RASAL1: variants seen among roughly 807,000 people sequenced by gnomAD.
RASAL1 encodes the protein rasGAP-activating-like protein 1.
A neutral mutation model predicts 96.6 loss-of-function variants in RASAL1; 72 were observed. That is an observed-to-expected ratio of 0.75 (90% CI 0.62 to 0.91). The LOEUF (loss-of-function observed/expected upper bound fraction) is 0.91, where lower values mean the gene tolerates loss of function less well. RASAL1 is among the 40% of genes least tolerant of loss of function. The probability of loss-of-function intolerance (pLI) is 0.00; values close to 1 mark genes in which losing one functional copy is unlikely to be tolerated. For synonymous variants in RASAL1, 405 were observed against 430.4 expected (o/e 0.94, Z 0.73); for missense variants, 1,016 against 1,072.5 (o/e 0.95, Z 0.74).
chr12:113,127,600 T>C (rs898848020), intron 4 of RASAL1, among the ~76,000 whole-genome samples: 1 of 152,154 alleles, frequency 6.6e-6, no homozygotes, highest in African/African-American at 2.4e-5. Flanking sequence ...CAGTGAGCTA[T>C]GATAGCACCA....
chr12:113,108,047 C>A lies in RASAL1; in HGVS notation c.1512+38G>T. ...GCTCCTACCATGCTTTTTTCCCTGG[C>A]TAAAGTACCTAGGATGGGGGAAACC... On this transcript the variant is annotated intron_variant, in intron 14 of 20. Transcript: ENST00000548055. The A allele has an allele frequency of 1.3e-6, 2 of 1,575,552 alleles. 1 individual carries two copies. The highest frequency in any genetic ancestry group is 1.7e-6 in the Non-Finnish European group (2 of 1,162,902).
chr12:113,115,007 CAG>C lies in RASAL1; in HGVS notation c.1069-97_1069-96del. 2 of 1,161,418 alleles carry C rather than the reference CAG, an allele frequency of 1.7e-6. No homozygotes were observed. Among genetic ancestry groups the C allele is most frequent in the Non-Finnish European group, 1.3e-6 (1 of 776,632 alleles). The allele number at this position is 1,161,418 out of a possible 1,614,324, so 71.9% of individuals were successfully genotyped here. A position where few individuals can be genotyped will look rare whatever the true frequency, so the allele number is the denominator to read the frequency against. On this transcript the variant is annotated intron_variant, in intron 11 of 20. Coordinates refer to ENST00000548055, the MANE Select transcript of RASAL1 (RefSeq NM_001301202.2). This position sits in a 1 kb window ranked among gnomAD's most constrained non-coding sequence, Gnocchi z 4.1. Reference sequence around the variant, plus strand: ...AGGGGGGACCATGCAGGAAGAGGTTCAGAGAGAGGCCAGGGCTGGGGTAGGGG... The same window carrying C: ...AGGGGGGACCATGCAGGAAGAGGTTCAGAGAGGCCAGGGCTGGGGTAGGGG...
rs1210308928 is a variant in RASAL1, at chr12:113,099,771, G to A, written c.*158C>T. 1 of 1,093,696 alleles carries A rather than the reference G, an allele frequency of 9.1e-7. No homozygotes were observed. Among genetic ancestry groups the A allele is most frequent in the African/African-American group, 1.6e-5 (1 of 63,602 alleles). The allele number at this position is 1,093,696 out of a possible 1,614,324, so 67.7% of individuals were successfully genotyped here. A position where few individuals can be genotyped will look rare whatever the true frequency, so the allele number is the denominator to read the frequency against. On this transcript the variant is annotated 3_prime_UTR_variant, in exon 21 of 21. Coordinates refer to ENST00000548055, the MANE Select transcript of RASAL1 (RefSeq NM_001301202.2). ...CTGCCAAAGGGCTTCCATGCCCTGA[G>A]TTCTGGACTCAAGGCACACAGGACT...
chr12:113,114,652 G>A lies in RASAL1; in HGVS notation c.1181+148C>T, dbSNP rs114757798. The A allele has an allele frequency of 5.5e-3, 3,825 of 693,152 alleles. 89 individuals are homozygous for A. The African/African-American group carries it at 0.058, about 11-fold the overall frequency. 42.9% of individuals were successfully genotyped at this position (693,152 alleles called of 1,614,324 possible). A position where few individuals can be genotyped will look rare whatever the true frequency, so the allele number is the denominator to read the frequency against. On this transcript the variant is annotated intron_variant, in intron 12 of 20. Coordinates refer to ENST00000548055, the MANE Select transcript of RASAL1 (RefSeq NM_001301202.2). ...ACACAGCCTGATGGTTTAAGGGCTT[G>A]TGTGTGAGGCTTTCAGCTCAGCCAC...
chr12:113,117,872 G>A (rs988692524), intron 7 of RASAL1, among the ~76,000 whole-genome samples: 2 of 149,590 alleles, frequency 1.3e-5, no homozygotes, highest in Non-Finnish European at 3.0e-5. Flanking sequence ...GTGCCAGTAC[G>A]GTAAGTCCTG....
Position 113,114,802 on chromosome 12 carries a change from G to C in RASAL1, c.1179C>G (p.Thr393=). 1 of 1,613,174 alleles carries C rather than the reference G, an allele frequency of 6.2e-7. No homozygotes were observed. Among genetic ancestry groups the C allele is most frequent in the Non-Finnish European group, 8.5e-7 (1 of 1,179,182 alleles). Reference sequence around the variant, plus strand: ...CAGGGTCCTCAGGCTTTGCTCACCGGGTGCGGCCCAGGTCCATCTTGCAGG... The same window carrying C: ...CAGGGTCCTCAGGCTTTGCTCACCGCGTGCGGCCCAGGTCCATCTTGCAGG... ...LDPCKMDLGR[T]RRISFKGALS... The change falls in exon 12 of 21, where the codon ACC becomes ACG. Residue 393 remains threonine (T), a splice_region_variant and synonymous_variant. Transcript: ENST00000548055.
At position 113,130,975 on chromosome 12, in the gene RASAL1, T is replaced by C; in HGVS notation, c.66-34A>G. ...GGAGGGAGTTCAGGGAGGAAGCAGGTTGAGAGGGCAGCCATGAGTGGAGGG... is the reference window on the plus strand; with the variant it reads ...GGAGGGAGTTCAGGGAGGAAGCAGGCTGAGAGGGCAGCCATGAGTGGAGGG... On this transcript the variant is annotated intron_variant, in intron 1 of 20. Coordinates refer to ENST00000548055, the MANE Select transcript of RASAL1 (RefSeq NM_001301202.2). This position sits in a 1 kb window ranked among gnomAD's most constrained non-coding sequence, Gnocchi z 5.1. 2 of 1,577,892 alleles carry C rather than the reference T, an allele frequency of 1.3e-6. No individual in the cohort carries two copies. The highest frequency in any genetic ancestry group is 1.7e-6 in the Non-Finnish European group (2 of 1,149,770).
intron 5 of RASAL1, among the ~76,000 whole-genome samples, chr12:113,120,438 C>T (rs955529635): frequency 6.6e-6 from 1 of 152,108 alleles, no homozygotes; most frequent in African/African-American, 2.4e-5. Flanking sequence ...GAGGCCAAGG[C>T]TGGAAGCAAA....
intron 4 of RASAL1, among the ~76,000 whole-genome samples, chr12:113,123,171 ATTTC>A (rs1195397104): frequency 2.0e-5 from 3 of 152,116 alleles, no homozygotes; most frequent in African/African-American, 7.2e-5. Context: ...TACATCTTTT[ATTTC>A]TTTAAATCTG....
chr12:113,106,166 C>G (rs1402398450), intron 15 of RASAL1, among the ~76,000 whole-genome samples: 1 of 152,144 alleles, frequency 6.6e-6, no homozygotes, highest in East Asian at 1.9e-4. Flanking sequence ...CAGCCACACC[C>G]TATGGGGTCC....
intron 4 of RASAL1, among the ~76,000 whole-genome samples, chr12:113,127,298 G>T (rs548110573): frequency 1.6e-4 from 25 of 152,268 alleles, no homozygotes; most frequent in African/African-American, 5.3e-4. Context: ...AGTAGCTGGG[G>T]TGCTTATCAT....
rs370815610 is a variant in RASAL1, at chr12:113,099,802, C to A, written c.*127G>T. Reference sequence around the variant, plus strand: ...GACTCAAGGCACACAGGACTAGGCACGTCTCTGGGAGCCTCCAAACCACAG... The same window carrying A: ...GACTCAAGGCACACAGGACTAGGCAAGTCTCTGGGAGCCTCCAAACCACAG... On this transcript the variant is annotated 3_prime_UTR_variant, in exon 21 of 21. Coordinates refer to ENST00000548055, the MANE Select transcript of RASAL1 (RefSeq NM_001301202.2). 2 of 1,360,032 alleles carry A rather than the reference C, an allele frequency of 1.5e-6. No individual in the cohort carries two copies. Among genetic ancestry groups the A allele is most frequent in the Middle Eastern group, 2.8e-4 (1 of 3,624 alleles). The allele number at this position is 1,360,032 out of a possible 1,614,324, so 84.2% of individuals were successfully genotyped here.
chr12:113,120,940 C>T (rs564040181), intron 5 of RASAL1, among the ~76,000 whole-genome samples: 1 of 152,276 alleles, frequency 6.6e-6, no homozygotes, highest in Non-Finnish European at 1.5e-5. Flanking sequence ...CAGCTTGAGC[C>T]AGTAAAAATT....
At chr12:113,126,294 T>A (rs980005664) in intron 4 of RASAL1, among the ~76,000 whole-genome samples, 2 of 151,814 alleles carry the variant, frequency 1.3e-5, no homozygotes, top group African/African-American at 4.8e-5. Context: ...CAAAAATAAA[T>A]AAATTAATTA....
intron 4 of RASAL1, among the ~76,000 whole-genome samples, chr12:113,126,686 T>TCACA (rs751428777): frequency 0.015 from 2,125 of 141,438 alleles, 17 homozygotes; most frequent in Non-Finnish European, 0.023. Flanking sequence ...TGTCTCTCTC[T>TCACA]CTCACACACA....
In RASAL1 at chr12:113,115,794, T is replaced by A; in HGVS notation, c.850-6A>T. ...AAGGGGCTAGCAGTGTCCTCCTGGG[T>A]GGGGGCGGGAGACAAAGATGACCTC... is the stretch of plus-strand genomic sequence containing the variant. On this transcript the variant is annotated splice_polypyrimidine_tract_variant and splice_region_variant and intron_variant, in intron 9 of 20. Transcript: ENST00000548055. This position sits in a 1 kb window ranked among gnomAD's most constrained non-coding sequence, Gnocchi z 4.1. 6.2e-7 allele frequency: 1 copy of A among 1,612,662 alleles called. No homozygotes were observed. Among genetic ancestry groups the A allele is most frequent in the African/African-American group, 1.3e-5 (1 of 74,728 alleles).
rs1280225717 is a variant in RASAL1, at chr12:113,099,630, G to T, written c.*299C>A. The T allele has an allele frequency of 1.4e-5, 4 of 277,828 alleles. No homozygotes were observed. Among genetic ancestry groups the T allele is most frequent in the African/African-American group, 2.2e-5 (1 of 45,994 alleles). 17.2% of individuals were successfully genotyped at this position (277,828 alleles called of 1,614,324 possible). A position where few individuals can be genotyped will look rare whatever the true frequency, so the allele number is the denominator to read the frequency against. On this transcript the variant is annotated 3_prime_UTR_variant, in exon 21 of 21. Coordinates refer to ENST00000548055, the MANE Select transcript of RASAL1 (RefSeq NM_001301202.2). ...GCTGGCCTCCTTGGTATGGATAGAG[G>T]CCAGTTTGGTGAAGTAGAGACCCCA... is the stretch of plus-strand genomic sequence containing the variant.
chr12:113,107,464 A>C, intron 14 of RASAL1: 1 of 640,870 alleles, frequency 1.6e-6, no homozygotes. Flanking sequence ...CTCTACTAAA[A>C]ATGCAAAAAT....
chr12:113,131,434 C>T (rs1432123903), intron 1 of RASAL1, among the ~76,000 whole-genome samples: 2 of 152,140 alleles, frequency 1.3e-5, no homozygotes, highest in African/African-American at 4.8e-5. Flanking sequence ...GCCCCCAGCT[C>T]TCCCCTGCAG....
Sources: allele counts gnomAD v4.1 joint callset (sites outside exome capture counted in the v4.1 genomes callset), GRCh38; gene constraint gnomAD v4.1.1; non-coding constraint Gnocchi (gnomAD v3.1); transcripts MANE v1.5; gene names NCBI Gene and HGNC (gene_info 2026-07-23, HGNC 2026-07-21).